CAST: variants seen among roughly 807,000 people sequenced by gnomAD.
CAST encodes calpastatin.
A neutral mutation model predicts 119.6 loss-of-function variants in CAST; 76 were observed. The observed-to-expected ratio is 0.64, with a 90% CI of 0.53 to 0.77. The LOEUF (loss-of-function observed/expected upper bound fraction) is 0.77, where lower values mean the gene tolerates loss of function less well. Ranked by LOEUF, CAST falls within the 30% of genes least tolerant of loss-of-function variation. The probability of loss-of-function intolerance (pLI) is 0.00; values close to 1 mark genes in which losing one functional copy is unlikely to be tolerated. For synonymous variants in CAST, 319 were observed against 331.6 expected (o/e 0.96, Z 0.41); for missense variants, 953 against 946.5 (o/e 1.01, Z -0.09).
At chr5:96,451,685 C>T in the CAST span, among the ~76,000 whole-genome samples, 1 of 152,122 alleles carries the variant, frequency 6.6e-6, no homozygotes, top group Non-Finnish European at 1.5e-5. Context: ...GCAAAAGAAA[C>T]TATCATCAGA....
At chr5:96,012,938 T>G in the CAST span, among the ~76,000 whole-genome samples, 1 of 152,156 alleles carries the variant, frequency 6.6e-6, no homozygotes, top group African/African-American at 2.4e-5. Context: ...GGTCTACAGA[T>G]CTGAGTAAGA....
intron 1 of CAST, among the ~76,000 whole-genome samples, chr5:96,620,382 A>AT (rs1463854982): frequency 4.6e-5 from 7 of 151,790 alleles, no homozygotes; most frequent in Non-Finnish European, 8.8e-5. Flanking sequence ...TGTAGTTAAA[A>AT]TTTTGAGTTT....
the CAST span, among the ~76,000 whole-genome samples, chr5:96,135,438 A>G: frequency 6.6e-6 from 1 of 152,162 alleles, no homozygotes; most frequent in Non-Finnish European, 1.5e-5. Context: ...AATGACTCCT[A>G]GGTTTTAGCT....
At chr5:96,147,342 C>A in the CAST span, among the ~76,000 whole-genome samples, 1 of 152,132 alleles carries the variant, frequency 6.6e-6, no homozygotes, top group Non-Finnish European at 1.5e-5. Context: ...CGGTGGCTCA[C>A]GCCTGTAATC....
intron 24 of CAST, among the ~76,000 whole-genome samples, chr5:96,758,290 A>T (rs1427379368): frequency 6.6e-6 from 1 of 152,208 alleles, no homozygotes; most frequent in Admixed American, 6.5e-5. Context: ...TCCTAAGGGA[A>T]CTTAGCTCCA....
the CAST span, among the ~76,000 whole-genome samples, chr5:96,317,282 G>T: frequency 6.7e-6 from 1 of 149,212 alleles, no homozygotes; most frequent in Admixed American, 6.7e-5. Context: ...TGGGCAACAT[G>T]GTGAAACTGT....
the CAST span, among the ~76,000 whole-genome samples, chr5:96,388,728 T>A: frequency 1.3e-5 from 2 of 152,184 alleles, no homozygotes; most frequent in Non-Finnish European, 2.9e-5. Context: ...TTAATCTGTA[T>A]CCTTTGTACA....
intron 1 of CAST, among the ~76,000 whole-genome samples, chr5:96,579,100 C>T (rs1313582285): frequency 6.6e-6 from 1 of 152,168 alleles, no homozygotes; most frequent in Non-Finnish European, 1.5e-5. Context: ...CTGGGGGAAA[C>T]CATTTGTGTG....
chr5:96,223,199 T>C, the CAST span, among the ~76,000 whole-genome samples: 5 of 152,160 alleles, frequency 3.3e-5, no homozygotes, highest in African/African-American at 1.2e-4. Flanking sequence ...TATTCTAATG[T>C]CTGATAGCAG....
chr5:96,005,232 A>G, the CAST span, among the ~76,000 whole-genome samples: 1 of 152,182 alleles, frequency 6.6e-6, no homozygotes, highest in African/African-American at 2.4e-5. Flanking sequence ...CAAGAGATAG[A>G]TAGGGGATGA....
At chr5:96,364,294 T>A in the CAST span, among the ~76,000 whole-genome samples, 1 of 152,116 alleles carries the variant, frequency 6.6e-6, no homozygotes, top group Non-Finnish European at 1.5e-5. Flanking sequence ...CTAAAATCTC[T>A]TTTTTTGTTG....
intron 1 of CAST, among the ~76,000 whole-genome samples, chr5:96,605,638 C>T (rs1212931208): frequency 6.6e-6 from 1 of 152,176 alleles, no homozygotes; most frequent in Non-Finnish European, 1.5e-5. Context: ...AAAATACTTG[C>T]TCTGAGGCAT....
the CAST span, among the ~76,000 whole-genome samples, chr5:96,008,659 T>C: frequency 1.3e-5 from 2 of 152,188 alleles, no homozygotes; most frequent in Non-Finnish European, 2.9e-5. Flanking sequence ...TTCCTAACCA[T>C]GCCGACTGGT....
the CAST span, among the ~76,000 whole-genome samples, chr5:96,290,810 C>T: frequency 6.6e-6 from 1 of 152,224 alleles, no homozygotes; most frequent in South Asian, 2.1e-4. Context: ...TAGCCAGCCT[C>T]TGAGATGGCA....
chr5:96,526,439 G>A (rs936841822), upstream of CAST, among the ~76,000 whole-genome samples: 1 of 151,952 alleles, frequency 6.6e-6, no homozygotes, highest in Non-Finnish European at 1.5e-5. Context: ...TTCTTTTCCT[G>A]GTACAGTACC....
upstream of CAST, among the ~76,000 whole-genome samples, chr5:96,520,411 C>T (rs936359408): frequency 2.6e-5 from 4 of 152,230 alleles, no homozygotes; most frequent in Non-Finnish European, 5.9e-5. Context: ...TGAACACATA[C>T]ACTCAGATGC....
intron 1 of CAST, among the ~76,000 whole-genome samples, chr5:96,591,016 A>C (rs981285901): frequency 6.6e-6 from 1 of 152,186 alleles, no homozygotes; most frequent in South Asian, 2.1e-4. Flanking sequence ...CCATAGTGAG[A>C]AAACTTCCAG....
chr5:96,730,473 A>T (rs1420974769), intron 8 of CAST, among the ~76,000 whole-genome samples: 2 of 152,240 alleles, frequency 1.3e-5, no homozygotes, highest in African/African-American at 4.8e-5. Flanking sequence ...ACTATCTAGT[A>T]AGAGTGAGCT....
chr5:96,288,575 T>G, the CAST span, among the ~76,000 whole-genome samples: 3 of 152,168 alleles, frequency 2.0e-5, no homozygotes, highest in African/African-American at 7.2e-5. Context: ...TGTACAAAAA[T>G]AATAATTCTG....
Sources: gnomAD v4.1 joint callset for allele counts (sites outside exome capture counted in the v4.1 genomes callset) on GRCh38, gnomAD v4.1.1 for gene constraint, MANE v1.5 for transcripts, NCBI Gene and HGNC (gene_info 2026-07-23, HGNC 2026-07-21) for gene names.